Variants in KIAA1671 observed in about 807,000 individuals in gnomAD.
KIAA1671 encodes KIAA1671, also known as uncharacterized protein KIAA1671.
Under a neutral mutation model 131.2 loss-of-function variants are expected in KIAA1671, and 52 were observed. The ratio of observed to expected loss-of-function variants is 0.40; its 90% CI spans 0.32 to 0.50. The LOEUF is 0.50. KIAA1671 is among the 20% of genes least tolerant of loss of function. The pLI, the probability that KIAA1671 is intolerant of heterozygous loss-of-function variation, is 0.73. For missense variants in KIAA1671, 2,360 were observed against 2,364.2 expected (o/e 1.00, Z 0.04); for synonymous variants, 1,003 against 961.6 (o/e 1.04, Z -0.80).
intron 1 of KIAA1671, among the ~76,000 whole-genome samples, chr22:24,954,303 G>A (rs1018930316): frequency 6.6e-6 from 1 of 152,078 alleles, no homozygotes; most frequent in African/African-American, 2.4e-5. Context: ...CAAGGTTCCT[G>A]GACAAACGTG....
At chr22:25,115,480 G>T (rs1408719045) in intron 6 of KIAA1671, among the ~76,000 whole-genome samples, 3 of 152,168 alleles carry the variant, frequency 2.0e-5, no homozygotes, top group Non-Finnish European at 4.4e-5. Context: ...TGGAGATTCA[G>T]CTGGGACTTG....
chr22:24,982,799 G>A (rs1190671575), intron 1 of KIAA1671, among the ~76,000 whole-genome samples: 1 of 152,208 alleles, frequency 6.6e-6, no homozygotes, highest in Non-Finnish European at 1.5e-5. Context: ...GAATTGGGAG[G>A]GAGAGGGAGC....
At chr22:25,042,473 T>TTG (rs1926989401) in intron 5 of KIAA1671, among the ~76,000 whole-genome samples, 1 of 147,204 alleles carries the variant, frequency 6.8e-6, no homozygotes, top group African/African-American at 2.5e-5. Flanking sequence ...GTTTTTTTTT[T>TTG]TTTTTTTTTT....
intron 6 of KIAA1671, among the ~76,000 whole-genome samples, chr22:25,067,315 CA>C (rs1928529383): frequency 6.6e-6 from 1 of 152,194 alleles, no homozygotes; most frequent in African/African-American, 2.4e-5. Flanking sequence ...GCCCTGTCAC[CA>C]TTGTCACTGC....
At chr22:25,106,989 C>G (rs1210954847) in intron 6 of KIAA1671, among the ~76,000 whole-genome samples, 1 of 152,156 alleles carries the variant, frequency 6.6e-6, no homozygotes, top group Non-Finnish European at 1.5e-5. Context: ...GGATCACTAA[C>G]TATAGGGTCA....
Position 25,177,418 on chromosome 22 carries a change from C to G in KIAA1671, c.4970C>G (p.Ala1657Gly). ...CTCAGCAAGAGAAGCCGCCGCCGGGCCCCCATCTCCCACTCCCTCCGGCGC... is the reference window on the plus strand; with the variant it reads ...CTCAGCAAGAGAAGCCGCCGCCGGGGCCCCATCTCCCACTCCCTCCGGCGC... ...VQLSKRSRRRAPISHSLRRSR... is the reference protein window; with the variant it reads ...VQLSKRSRRRGPISHSLRRSR... The change falls in exon 9 of 13, where the codon GCC (alanine) becomes GGC (glycine). Residue 1657 changes from alanine to glycine, a missense_variant. Coordinates refer to ENST00000358431, the MANE Select transcript of KIAA1671 (RefSeq NM_001145206.2). 6.4e-7 allele frequency: 1 copy of G among 1,551,764 alleles called. No homozygotes were observed. Among genetic ancestry groups the G allele is most frequent in the Non-Finnish European group, 8.7e-7 (1 of 1,147,010 alleles).
chr22:25,165,247 C>T (rs562968201), intron 6 of KIAA1671, among the ~76,000 whole-genome samples: 30 of 152,246 alleles, frequency 2.0e-4, no homozygotes, highest in Middle Eastern at 3.4e-3. Flanking sequence ...CCAAATTTGA[C>T]AGTCTGTGTT....
In KIAA1671 at chr22:25,130,655, T is replaced by C. The variant is rs570162707; in HGVS notation, c.4531-40165T>C. Among the ~76,000 whole-genome samples, 145 of 152,036 alleles carry C rather than the reference T, an allele frequency of 9.5e-4. 1 individual carries two copies. The highest frequency in any genetic ancestry group is 3.5e-3 in the African/African-American group (143 of 41,448). ...ACAAGGGTGAGGAATCGTAAACATCTAGATGAGTTCTACACTCCCTGCTTC... is the reference window on the plus strand; with the variant it reads ...ACAAGGGTGAGGAATCGTAAACATCCAGATGAGTTCTACACTCCCTGCTTC... On this transcript the variant is annotated intron_variant, in intron 6 of 12. Transcript: ENST00000358431.
Position 25,039,373 on chromosome 22 carries a change from T to C in KIAA1671, c.2243T>C (p.Ile748Thr), listed in dbSNP as rs2145804840. 6.4e-7 allele frequency: 1 copy of C among 1,551,814 alleles called. No homozygotes were observed. Among genetic ancestry groups the C allele is most frequent in the African/African-American group, 1.4e-5 (1 of 73,174 alleles). ...GGAGAGCGTGTGCACAGCGAGGCCATCTCACCGGCACCGGAGGAGAAAGCG... is the reference window on the plus strand; with the variant it reads ...GGAGAGCGTGTGCACAGCGAGGCCACCTCACCGGCACCGGAGGAGAAAGCG... ...AVGERVHSEA[I>T]SPAPEEKAVT... The change falls in exon 5 of 13, where the codon ATC becomes ACC. Residue 748 changes from isoleucine to threonine, a missense_variant. Transcript: ENST00000358431.
intron 1 of KIAA1671, among the ~76,000 whole-genome samples, chr22:24,981,604 G>GA (rs1243203263): frequency 6.6e-6 from 1 of 152,130 alleles, no homozygotes; most frequent in Non-Finnish European, 1.5e-5. Flanking sequence ...GACCCTTGGG[G>GA]ATCTGTATTC....
intron 1 of KIAA1671, chr22:25,010,311 G>C (rs1256479432): frequency 6.6e-6 from 1 of 152,002 alleles, no homozygotes; most frequent in Non-Finnish European, 1.5e-5. Context: ...CTCCCGAGTA[G>C]CTGAGATTAC....
Position 25,069,998 on chromosome 22 carries a change from T to C in KIAA1671, c.4530+20634T>C, listed in dbSNP as rs564803531. Reference sequence around the variant, plus strand: ...ACACATTCAGTTCCCGGGCATCACCTTCTCTCTTCTTGCCTTCTTGCCGTA... The same window carrying C: ...ACACATTCAGTTCCCGGGCATCACCCTCTCTCTTCTTGCCTTCTTGCCGTA... On this transcript the variant is annotated intron_variant, in intron 6 of 12. Transcript: ENST00000358431. The C allele has an allele frequency of 2.9e-5, 6 of 207,966 alleles. No homozygotes were observed. In the East Asian group the frequency reaches 5.3e-4, roughly 18 times the overall value. 12.9% of individuals were successfully genotyped at this position (207,966 alleles called of 1,614,324 possible).
chr22:24,973,389 G>GTTTTTTTTTTTTTTTTT (rs57519039), intron 1 of KIAA1671, among the ~76,000 whole-genome samples: 1 of 71,648 alleles, frequency 1.4e-5, no homozygotes, highest in Non-Finnish European at 2.5e-5. Context: ...GCATATGATG[G>GTTTTTTTTTTTTTTTTT]TTTTTTTTTT....
At chr22:25,049,468 C>T (rs1927417076) in intron 6 of KIAA1671, 104 bp downstream of exon 6, 29 of 1,332,422 alleles carry the variant, frequency 2.2e-5, no homozygotes, top group Admixed American at 7.4e-5. Context: ...AGGGCCCTGA[C>T]GGGGTTGAGG....
Position 25,196,172 on chromosome 22 carries a change from A to T in KIAA1671, c.*3771A>T, listed in dbSNP as rs1934819943. The T allele has an allele frequency of 6.6e-6, 1 of 152,098 alleles. No individual in the cohort carries two copies. The highest frequency in any genetic ancestry group is 1.5e-5 in the Non-Finnish European group (1 of 68,024). 9.4% of individuals were successfully genotyped at this position (152,098 alleles called of 1,614,324 possible). ...ATCCAGAGTTTGCTTTCTTTTGACTAAATTGGCTCCTGCAGGGGGAAGGGC... is the reference window on the plus strand; with the variant it reads ...ATCCAGAGTTTGCTTTCTTTTGACTTAATTGGCTCCTGCAGGGGGAAGGGC... On this transcript the variant is annotated 3_prime_UTR_variant, in exon 13 of 13. Coordinates refer to ENST00000358431, the MANE Select transcript of KIAA1671 (RefSeq NM_001145206.2).
intron 6 of KIAA1671, among the ~76,000 whole-genome samples, chr22:25,101,727 C>CA: frequency 6.6e-6 from 1 of 152,190 alleles, no homozygotes; most frequent in African/African-American, 2.4e-5. Flanking sequence ...TGTTTGGAGT[C>CA]CTGTGACTTG....
intron 4 of KIAA1671, among the ~76,000 whole-genome samples, chr22:25,035,286 A>C (rs1258296727): frequency 6.6e-6 from 1 of 152,074 alleles, no homozygotes; most frequent in Admixed American, 6.6e-5. Context: ...ACCTCAGGTG[A>C]TCTGCCTGCC....
chr22:25,140,866 A>C (rs1212821037), intron 6 of KIAA1671, among the ~76,000 whole-genome samples: 2 of 152,238 alleles, frequency 1.3e-5, no homozygotes, highest in Non-Finnish European at 2.9e-5. Flanking sequence ...TGTCATCATG[A>C]ATGGTTATTC....
intron 6 of KIAA1671, among the ~76,000 whole-genome samples, chr22:25,077,998 G>A (rs1929207187): frequency 6.6e-6 from 1 of 151,804 alleles, no homozygotes; most frequent in Non-Finnish European, 1.5e-5. Context: ...AGCCCTGAGG[G>A]GTGGATTTTA....
Sources: gnomAD v4.1 joint callset for allele counts (sites outside exome capture counted in the v4.1 genomes callset) on GRCh38, gnomAD v4.1.1 for gene constraint, MANE v1.5 for transcripts, NCBI Gene and HGNC (gene_info 2026-07-23, HGNC 2026-07-21) for gene names.